ECE1: variants seen among roughly 807,000 people sequenced by gnomAD.
The protein encoded by ECE1 is endothelin-converting enzyme 1.
Under a neutral mutation model 98.6 loss-of-function variants are expected in ECE1, and 35 were observed. The observed-to-expected ratio is 0.35, with a 90% CI of 0.27 to 0.47. ECE1 has a LOEUF of 0.47. Ranked by LOEUF, ECE1 falls within the 20% of genes least tolerant of loss-of-function variation. ECE1 has a pLI of 1.00. For missense variants in ECE1, 814 were observed against 1,025.3 expected (o/e 0.79, Z 2.81); for synonymous variants, 394 against 407.1 (o/e 0.97, Z 0.39).
At chr1:21,302,808 T>C (rs1222732822) in intron 1 of ECE1, among the ~76,000 whole-genome samples, 1 of 152,206 alleles carries the variant, frequency 6.6e-6, no homozygotes, top group Non-Finnish European at 1.5e-5. Flanking sequence ...GTGATGTTTA[T>C]ATTCCCCTCC....
At chr1:21,278,074 TA>T (rs2103335416) in intron 3 of ECE1, among the ~76,000 whole-genome samples, 1 of 152,276 alleles carries the variant, frequency 6.6e-6, no homozygotes, top group East Asian at 1.9e-4. Context: ...TGAAAGCTCC[TA>T]ATCTCTCTCA....
intron 8 of ECE1, among the ~76,000 whole-genome samples, chr1:21,248,710 C>T (rs945370484): frequency 1.3e-5 from 2 of 151,560 alleles, no homozygotes; most frequent in Non-Finnish European, 2.9e-5. Flanking sequence ...CTGCAACCTC[C>T]GCCTCCCAGG....
intron 1 of ECE1, among the ~76,000 whole-genome samples, chr1:21,306,917 C>T (rs1415426624): frequency 6.6e-6 from 1 of 152,174 alleles, no homozygotes; most frequent in African/African-American, 2.4e-5. Context: ...GCCCCCTGGA[C>T]ATGCTGAGTC....
chr1:21,277,148 C>T (rs1015187267), intron 3 of ECE1, among the ~76,000 whole-genome samples: 1 of 152,192 alleles, frequency 6.6e-6, no homozygotes, highest in African/African-American at 2.4e-5. Flanking sequence ...TCACCTGATA[C>T]TCTGCCCAGC....
chr1:21,295,588 T>C (rs983966930), intron 1 of ECE1, among the ~76,000 whole-genome samples: 6 of 152,230 alleles, frequency 3.9e-5, no homozygotes, highest in Non-Finnish European at 7.3e-5. Context: ...AATCAGCTTG[T>C]ATCTCTTTTT....
At chr1:21,306,400 G>A (rs996079048) in intron 1 of ECE1, among the ~76,000 whole-genome samples, 1 of 151,212 alleles carries the variant, frequency 6.6e-6, no homozygotes, top group Non-Finnish European at 1.5e-5. Flanking sequence ...GCAATGGCGT[G>A]ATCTCAGCTC....
At chr1:21,290,796 T>G (rs1164161341), upstream of ECE1, among the ~76,000 whole-genome samples, 3 of 152,120 alleles carry the variant, frequency 2.0e-5, no homozygotes, top group Non-Finnish European at 4.4e-5. The surrounding 1 kb of genome is among the most constrained non-coding windows in gnomAD (Gnocchi z 7.3). Flanking sequence ...CATCAGCCCT[T>G]AGGTGTGTCT....
At position 21,235,968 on chromosome 1, in the gene ECE1, C is replaced by T. The variant is rs768324264; in HGVS notation, c.1489-41G>A. 18 of 1,595,470 alleles carry T rather than the reference C, an allele frequency of 1.1e-5. No individual in the cohort carries two copies. The East Asian group carries it at 1.8e-4, about 16-fold the overall frequency. On this transcript the variant is annotated intron_variant, in intron 12 of 18. Transcript: ENST00000374893. The surrounding 1 kb of genome is among the most constrained non-coding windows in gnomAD (Gnocchi z 4.2). The stretch of plus-strand genomic sequence containing the variant: ...AGAGGAAGTGAGTGCCCGGCAACAT[C>T]GACCAGGCCAGCCTGAGCAACTTGG...
At position 21,236,843 on chromosome 1, in the gene ECE1, G is replaced by A. The variant is rs1425304733; in HGVS notation, c.1391C>T (p.Ala464Val). ...ATFAEDSKSIATEIILEIKKA... is the reference protein window; with the variant it reads ...ATFAEDSKSIVTEIILEIKKA... ...CTTAATCTCCAGGATGATCTCGGTG[G>A]CCTGAGGAGATACACATCACAGCAG... Residue 464 changes from alanine to valine, a missense_variant and splice_region_variant, in exon 12 of 19, where the codon GCC becomes GTC. Physicochemically the swap from Ala to Val is moderately conservative, Grantham distance 64. This residue lies in a region of ECE1 where 452 missense variants were observed against 567.3 expected (regional missense o/e 0.80). Transcript: ENST00000374893. The A allele has an allele frequency of 6.2e-7, 1 of 1,613,486 alleles. No homozygotes were observed. Among genetic ancestry groups the A allele is most frequent in the South Asian group, 1.1e-5 (1 of 91,066 alleles).
In ECE1 at chr1:21,235,100, A is replaced by T. The variant is rs373370368; in HGVS notation, c.1566+750T>A. On this transcript the variant is annotated intron_variant, in intron 13 of 18. Coordinates refer to ENST00000374893, the MANE Select transcript of ECE1 (RefSeq NM_001397.3). This position sits in a 1 kb window ranked among gnomAD's most constrained non-coding sequence, Gnocchi z 4.2. ...GGGAGGCGGAGGTTGCAGTGAGCTG[A>T]GATAGCACCACTACACTCCAGTCTG... Among the ~76,000 whole-genome samples, 146 of 152,312 alleles carry T rather than the reference A, an allele frequency of 9.6e-4. No homozygotes were observed. The highest frequency in any genetic ancestry group is 3.3e-3 in the African/African-American group (136 of 41,570).
chr1:21,283,436 A>G (rs560838063), intron 2 of ECE1, among the ~76,000 whole-genome samples: 77 of 151,932 alleles, frequency 5.1e-4, no homozygotes, highest in Non-Finnish European at 8.7e-4. Context: ...ACGCCGGGCT[A>G]ATTTTTGTAT....
In ECE1 at chr1:21,330,744, CT is replaced by C. The variant is rs1471586409; in HGVS notation, c.3+14631del. 2.2e-4 allele frequency among the ~76,000 whole-genome samples: 33 copies of C among 152,284 alleles called. 1 individual carries two copies. In the East Asian group the frequency reaches 3.9e-3, roughly 18 times the overall value. On this transcript the variant is annotated intron_variant, in intron 1 of 18. Coordinates refer to the ECE1 transcript ENST00000415912. ...CCTAGGCTAATCCTTCTTCCTCCCC[CT>C]GACTCAGGTCCTTTCCTTTCTGGGT...
intron 4 of ECE1, among the ~76,000 whole-genome samples, chr1:21,262,544 G>A (rs1225951508): frequency 1.3e-5 from 2 of 152,328 alleles, no homozygotes; most frequent in African/African-American, 2.4e-5. Flanking sequence ...GAAATGCCAG[G>A]GCCAGCGCTG....
At chr1:21,343,191 A>T (rs1325998170) in intron 1 of ECE1, among the ~76,000 whole-genome samples, 1 of 152,208 alleles carries the variant, frequency 6.6e-6, no homozygotes, top group Admixed American at 6.5e-5. Context: ...CGTGCCAAAA[A>T]GTCTGAGGAC....
intron 3 of ECE1, among the ~76,000 whole-genome samples, chr1:21,276,442 G>A (rs2098247324): frequency 1.3e-5 from 2 of 152,216 alleles, no homozygotes; most frequent in South Asian, 2.1e-4. Flanking sequence ...GATCAATTGA[G>A]AAAGCAGAAA....
intron 2 of ECE1, among the ~76,000 whole-genome samples, chr1:21,284,013 G>A (rs796592737): frequency 2.0e-5 from 3 of 152,330 alleles, no homozygotes; most frequent in African/African-American, 7.2e-5. Context: ...GCCAGGATCA[G>A]GAGGCCTCTC....
At chr1:21,335,794 T>C (rs545146333) in intron 1 of ECE1, among the ~76,000 whole-genome samples, 1 of 152,196 alleles carries the variant, frequency 6.6e-6, no homozygotes, top group East Asian at 1.9e-4. Context: ...GGCTCCCAAA[T>C]GAGGGAGACC....
Position 21,261,892 on chromosome 1 carries a change from T to C in ECE1, c.494-1500A>G, listed in dbSNP as rs144565668. The stretch of plus-strand genomic sequence containing the variant: ...TTGCGCGGAGCAGGACAGGACAGTG[T>C]GGGGACAAGCGGGGATGCCTGAAAG... On this transcript the variant is annotated intron_variant, in intron 4 of 18. Transcript: ENST00000374893. Among the ~76,000 whole-genome samples the C allele has an allele frequency of 6.4e-4, 98 of 152,028 alleles. 1 individual carries two copies. The highest frequency in any genetic ancestry group is 2.1e-3 in the African/African-American group (89 of 41,484).
intron 1 of ECE1, among the ~76,000 whole-genome samples, chr1:21,338,394 CAT>C (rs1164800337): frequency 6.6e-6 from 1 of 152,218 alleles, no homozygotes; most frequent in Non-Finnish European, 1.5e-5. Context: ...GTGCTACAAA[CAT>C]AGCTCATGAA....
Sources: gnomAD v4.1 joint callset for allele counts (sites outside exome capture counted in the v4.1 genomes callset) on GRCh38, gnomAD v4.1.1 for gene constraint, gnomAD v4.1.1 regional missense constraint, Gnocchi (gnomAD v3.1) non-coding constraint, MANE v1.5 for transcripts, NCBI Gene and HGNC (gene_info 2026-07-23, HGNC 2026-07-21) for gene names.